The following PLG variants were observed in gnomAD, a reference collection of about 807,000 sequenced individuals.
PLG encodes plasminogen.
Under a neutral mutation model 104.4 loss-of-function variants are expected in PLG, and 41 were observed. The ratio of observed to expected loss-of-function variants is 0.39; its 90% CI spans 0.31 to 0.51. The LOEUF is 0.51. Ranked by LOEUF, PLG falls within the 20% of genes least tolerant of loss-of-function variation. The probability of loss-of-function intolerance (pLI) is 0.76; values close to 1 mark genes in which losing one functional copy is unlikely to be tolerated. For synonymous variants in PLG, 337 were observed against 357.1 expected, an observed-to-expected ratio of 0.94 and a Z score of 0.63; for missense variants, 891 against 1,003.6, an observed-to-expected ratio of 0.89 and a Z score of 1.52.
chr6:160,727,200 A>G (rs999924740), intron 10 of PLG, among the ~76,000 whole-genome samples: 4 of 151,880 alleles, frequency 2.6e-5, no homozygotes, highest in African/African-American at 7.2e-5. Flanking sequence ...AATTCCTTAG[A>G]AAAAAACAAA....
At position 160,718,734 on chromosome 6, in the gene PLG, G is replaced by A. The variant is rs1007104964; in HGVS notation, c.992G>A (p.Arg331Lys). The A allele has an allele frequency of 6.2e-7, 1 of 1,613,860 alleles. No homozygotes were observed. The highest frequency in any genetic ancestry group is 1.7e-5 in the Admixed American group (1 of 60,000). ...TACTGCCGCAATCCTGACGGAAAAA[G>A]GGCCCCATGGTGCCATACAACCAAC... Reference protein sequence around the residue: ...ENYCRNPDGKRAPWCHTTNSQ... With the variant: ...ENYCRNPDGKKAPWCHTTNSQ... Residue 331 changes from arginine to lysine, a missense_variant, in exon 9 of 19, where the codon AGG becomes AAG. Physicochemically the swap from Arg to Lys is conservative, Grantham distance 26. Transcript: ENST00000308192.
chr6:160,749,585 C>T (rs1778361770), intron 17 of PLG, among the ~76,000 whole-genome samples: 1 of 151,520 alleles, frequency 6.6e-6, no homozygotes, highest in African/African-American at 2.4e-5. Context: ...ACCACCATTC[C>T]ACCACCATCA....
At chr6:160,742,194 G>A (rs1192339710) in intron 17 of PLG, among the ~76,000 whole-genome samples, 2 of 152,152 alleles carry the variant, frequency 1.3e-5, no homozygotes, top group East Asian at 3.9e-4. Context: ...GGATTGCTGG[G>A]TTGAAAGTTA....
At position 160,733,844 on chromosome 6, in the gene PLG, C is replaced by CA. The variant is rs750182802; in HGVS notation, c.1588-150dup. 7.5e-3 allele frequency: 2,776 copies of CA among 369,624 alleles called. 6 individuals are homozygous for CA. Among genetic ancestry groups the CA allele is most frequent in the Non-Finnish European group, 9.9e-3 (2,043 of 207,062 alleles). 22.9% of individuals were successfully genotyped at this position (369,624 alleles called of 1,614,324 possible). ...GGGCGACAAGAGCAAAACTCCACCT[C>CA]AGAAAAAAAAAAAAAAAAAAAAAAG... On this transcript the variant is annotated intron_variant, in intron 12 of 18. Coordinates refer to ENST00000308192, the MANE Select transcript of PLG (RefSeq NM_000301.5).
At chr6:160,714,670 A>C in intron 5 of PLG, 124 bp from the exon 6 acceptor site, 1 of 853,566 alleles carries the variant, frequency 1.2e-6, no homozygotes, top group Non-Finnish European at 1.9e-6. Context: ...GCCTGTTGTG[A>C]ATTACATCGG....
At chr6:160,718,604 GT>G in intron 8 of PLG, 88 bp from the exon 9 acceptor site, 1 of 1,457,564 alleles carries the variant, frequency 6.9e-7, no homozygotes. Context: ...ACTTTAGCAC[GT>G]TTTTTCCCGT....
rs1191410768 is a variant in PLG, at chr6:160,748,473, G to A, written c.2126-3642G>A. Reference sequence around the variant, plus strand: ...GGAGGGAGGGAGGGAGGGAGGGAGGGAGGAAGGGTGGGTGGGTTGTGAACT... The same window carrying A: ...GGAGGGAGGGAGGGAGGGAGGGAGGAAGGAAGGGTGGGTGGGTTGTGAACT... On this transcript the variant is annotated intron_variant, in intron 17 of 18. Coordinates refer to ENST00000308192, the MANE Select transcript of PLG (RefSeq NM_000301.5). 1.6e-4 allele frequency among the ~76,000 whole-genome samples: 19 copies of A among 120,540 alleles called. 1 individual carries two copies. Among genetic ancestry groups the A allele is most frequent in the Non-Finnish European group, 1.2e-4 (7 of 57,512 alleles). 79.1% of individuals were successfully genotyped at this position (120,540 alleles called of 152,430 possible).
chr6:160,733,008 A>C (rs1457181424), intron 12 of PLG, among the ~76,000 whole-genome samples: 1 of 152,120 alleles, frequency 6.6e-6, no homozygotes, highest in Non-Finnish European at 1.5e-5. Flanking sequence ...CCAACCCTGC[A>C]ATCACATGGT....
rs1370279240 is a variant in PLG at position 160,731,474 on chromosome 6, A to G, written c.1438+242A>G. 6.6e-6 allele frequency among the ~76,000 whole-genome samples: 1 copy of G among 151,958 alleles called. No homozygotes were observed. The highest frequency in any genetic ancestry group is 1.5e-5 in the Non-Finnish European group (1 of 67,992). On this transcript the variant is annotated intron_variant, in intron 11 of 18. Transcript: ENST00000308192. The surrounding 1 kb of genome is among the most constrained non-coding windows in gnomAD (Gnocchi z 5.1). Reference sequence around the variant, plus strand: ...ACCCTCCAAGGTGCTCAACTTAACCACTCACCTTGTTCTAAAATGGGTTAT... The same window carrying G: ...ACCCTCCAAGGTGCTCAACTTAACCGCTCACCTTGTTCTAAAATGGGTTAT...
chr6:160,748,045 G>A (rs1028422629), intron 17 of PLG, among the ~76,000 whole-genome samples: 3 of 152,006 alleles, frequency 2.0e-5, no homozygotes, highest in Non-Finnish European at 2.9e-5. Flanking sequence ...AGTGGCTCAC[G>A]CCTGTAATCC....
Position 160,753,154 on chromosome 6 carries a change from C to T in PLG, c.*93C>T, listed in dbSNP as rs900326521. Reference sequence around the variant, plus strand: ...CTGGAAATAACTGGCAGTAATCAAACGAAGACACTGTCCCCAGCTACCAGC... The same window carrying T: ...CTGGAAATAACTGGCAGTAATCAAATGAAGACACTGTCCCCAGCTACCAGC... On this transcript the variant is annotated 3_prime_UTR_variant, in exon 19 of 19. Coordinates refer to ENST00000308192, the MANE Select transcript of PLG (RefSeq NM_000301.5). The surrounding 1 kb of genome is among the most constrained non-coding windows in gnomAD (Gnocchi z 5.4). The T allele has an allele frequency of 2.3e-5, 18 of 799,178 alleles. No individual in the cohort carries two copies. The highest frequency in any genetic ancestry group is 1.1e-4 in the Admixed American group (5 of 46,040). The allele number at this position is 799,178 out of a possible 1,614,324, so 49.5% of individuals were successfully genotyped here. A position where few individuals can be genotyped will look rare whatever the true frequency, so the allele number is the denominator to read the frequency against.
At chr6:160,748,358 A>AAGAAAGAAAGAAAGAGAGAGAGAG (rs1562383260) in intron 17 of PLG, among the ~76,000 whole-genome samples, 3 of 35,210 alleles carry the variant, frequency 8.5e-5, no homozygotes, top group African/African-American at 2.0e-4. Flanking sequence ...AAGAGAAAGA[A>AAGAAAGAAAGAAAGAGAGAGAGAG]AGAAAGAAAG....
chr6:160,738,761 G>C lies in PLG; in HGVS notation c.1877+149G>C, dbSNP rs998663698. 9.8e-6 allele frequency: 7 copies of C among 710,854 alleles called. No individual in the cohort carries two copies. Among genetic ancestry groups the C allele is most frequent in the Non-Finnish European group, 1.8e-5 (7 of 396,154 alleles). 44.0% of individuals were successfully genotyped at this position (710,854 alleles called of 1,614,324 possible). ...ACCAGGCCAGGGCAATTGGATAAGA[G>C]AGAAGGGAAGGGTTTCTAGAAAGAA... On this transcript the variant is annotated intron_variant, in intron 15 of 18. Transcript: ENST00000308192. This position sits in a 1 kb window ranked among gnomAD's most constrained non-coding sequence, Gnocchi z 6.8.
Position 160,752,931 on chromosome 6 carries a change from A to G in PLG, c.2303A>G (p.Glu768Gly), listed in dbSNP as rs1316052493. Residue 768 changes from glutamate to glycine, a missense_variant, in exon 19 of 19, where the codon GAG becomes GGG. This residue lies in a region of PLG where 37 missense variants were observed against 71.5 expected (regional missense o/e 0.52). Coordinates refer to ENST00000308192, the MANE Select transcript of PLG (RefSeq NM_000301.5). This position sits in a 1 kb window ranked among gnomAD's most constrained non-coding sequence, Gnocchi z 4.7. The part of the protein sequence containing the change: ...GDSGGPLVCF[E>G]KDKYILQGVT... ...AGTGGAGGTCCTCTGGTTTGCTTCG[A>G]GAAGGACAAATACATTTTACAAGGA... is the stretch of plus-strand genomic sequence containing the variant. 6.2e-7 allele frequency: 1 copy of G among 1,613,682 alleles called. No individual in the cohort carries two copies. Among genetic ancestry groups the G allele is most frequent in the Non-Finnish European group, 8.5e-7 (1 of 1,179,668 alleles).
At chr6:160,707,186 A>C (rs775152895) in intron 2 of PLG, among the ~76,000 whole-genome samples, 1 of 152,054 alleles carries the variant, frequency 6.6e-6, no homozygotes, top group Non-Finnish European at 1.5e-5. Context: ...AGTTGACTAA[A>C]GCAGAGACTT....
chr6:160,733,001 A>C (rs1275576686), intron 12 of PLG, among the ~76,000 whole-genome samples: 1 of 151,976 alleles, frequency 6.6e-6, no homozygotes, highest in African/African-American at 2.4e-5. Context: ...AACAGTTCCA[A>C]CCCTGCAATC....
chr6:160,717,117 T>C (rs1237856291), intron 7 of PLG, among the ~76,000 whole-genome samples: 1 of 152,150 alleles, frequency 6.6e-6, no homozygotes, highest in Admixed American at 6.6e-5. Flanking sequence ...ACCAGAGTTC[T>C]AATAGTTGTT....
chr6:160,707,824 C>T lies in PLG; in HGVS notation c.292+18C>T, dbSNP rs552232588. The T allele has an allele frequency of 3.7e-5, 57 of 1,537,320 alleles. No individual in the cohort carries two copies. The highest frequency in any genetic ancestry group is 6.8e-5 in the African/African-American group (5 of 73,364). On this transcript the variant is annotated intron_variant, in intron 3 of 18. Transcript: ENST00000308192. ...AAAGAAAGGTGAGTACATTTTCTTC[C>T]TCCTCCTCCTACTGTCCTCCCCATC...
At chr6:160,714,725 ACT>A (rs902127536) in intron 5 of PLG, 67 bp from the exon 6 acceptor site, 11 of 1,525,210 alleles carry the variant, frequency 7.2e-6, no homozygotes, top group Non-Finnish European at 1.0e-5. Context: ...TCTGGTTTTT[ACT>A]CTCTATTTTG....
Sources: gnomAD v4.1 joint callset for allele counts (sites outside exome capture counted in the v4.1 genomes callset) on GRCh38, gnomAD v4.1.1 for gene constraint, gnomAD v4.1.1 regional missense constraint, Gnocchi (gnomAD v3.1) non-coding constraint, MANE v1.5 for transcripts, NCBI Gene and HGNC (gene_info 2026-07-23, HGNC 2026-07-21) for gene names.